The following ZNF277 variants were observed in gnomAD, a reference collection of about 807,000 sequenced individuals.
ZNF277 encodes the protein nuclear receptor-interacting factor 4.
ZNF277 carries 55 observed loss-of-function variants against 60.7 expected under a neutral mutation model. The observed-to-expected ratio is 0.91, with a 90% confidence interval of 0.73 to 1.13. ZNF277 has a LOEUF of 1.13. Among genes scored for constraint, ZNF277 ranks in the 50% most tolerant of loss-of-function variants. The pLI, the probability that ZNF277 is intolerant of heterozygous loss-of-function variation, is 0.00. For missense variants in ZNF277, 510 were observed against 523.0 expected (o/e 0.98, Z 0.24); for synonymous variants, 178 against 179.3 (o/e 0.99, Z 0.06).
intron 1 of ZNF277, among the ~76,000 whole-genome samples, chr7:112,211,243 G>C (rs904661240): frequency 1.3e-5 from 2 of 152,218 alleles, no homozygotes; most frequent in Non-Finnish European, 2.9e-5. Context: ...ATGGCATCAA[G>C]TCTAAGCTAG....
intron 1 of ZNF277, among the ~76,000 whole-genome samples, chr7:112,219,828 A>ATC (rs1821980742): frequency 6.6e-6 from 1 of 152,000 alleles, no homozygotes; most frequent in Non-Finnish European, 1.5e-5. Context: ...GTAGAGGGAG[A>ATC]TCTCACTATG....
At chr7:112,295,226 A>C (rs1792297419) in intron 2 of ZNF277, among the ~76,000 whole-genome samples, 1 of 152,142 alleles carries the variant, frequency 6.6e-6, no homozygotes. Context: ...TCCCTCTTTC[A>C]TCACATATGT....
At chr7:112,259,502 G>T (rs1426677182) in intron 1 of ZNF277, among the ~76,000 whole-genome samples, 1 of 152,122 alleles carries the variant, frequency 6.6e-6, no homozygotes, top group South Asian at 2.1e-4. Context: ...CTTTAATAGA[G>T]GATGCCTTTT....
chr7:112,329,013 C>A (rs760941007), intron 6 of ZNF277, among the ~76,000 whole-genome samples: 12 of 152,008 alleles, frequency 7.9e-5, no homozygotes, highest in Non-Finnish European at 1.5e-4. Context: ...AAAATAAGAC[C>A]AGATGTGCCT....
Position 112,342,731 on chromosome 7 carries a change from A to G in ZNF277, c.*2A>G. 1 of 1,582,804 alleles carries G rather than the reference A, an allele frequency of 6.3e-7. No homozygotes were observed. The highest frequency in any genetic ancestry group is 2.3e-5 in the East Asian group (1 of 44,006). On this transcript the variant is annotated 3_prime_UTR_variant, in exon 12 of 12. Coordinates refer to ENST00000361822, the MANE Select transcript of ZNF277 (RefSeq NM_021994.3). ...ATTTTGAACCAGTTGCTACTATAAGAGTACTTGAAAACCTAGAAGAAACTA... is the reference window on the plus strand; with the variant it reads ...ATTTTGAACCAGTTGCTACTATAAGGGTACTTGAAAACCTAGAAGAAACTA...
At chr7:112,253,431 CT>C (rs1474206710) in intron 1 of ZNF277, among the ~76,000 whole-genome samples, 4 of 152,142 alleles carry the variant, frequency 2.6e-5, no homozygotes, top group Non-Finnish European at 5.9e-5. Context: ...ACGATACTTG[CT>C]ACCCAACCTG....
chr7:112,259,491 A>T (rs963924140), intron 1 of ZNF277, among the ~76,000 whole-genome samples: 31 of 152,328 alleles, frequency 2.0e-4, no homozygotes, highest in African/African-American at 7.2e-4. Flanking sequence ...TCTTTTTATT[A>T]CTTTAATAGA....
chr7:112,280,725 A>G (rs1791920401), intron 1 of ZNF277, among the ~76,000 whole-genome samples: 1 of 151,864 alleles, frequency 6.6e-6, no homozygotes, highest in Admixed American at 6.6e-5. Context: ...CCCCGGGTTC[A>G]AGCAATTCTC....
intron 4 of ZNF277, among the ~76,000 whole-genome samples, chr7:112,300,307 A>G (rs1792445971): frequency 6.6e-6 from 1 of 152,194 alleles, no homozygotes; most frequent in South Asian, 2.1e-4. Flanking sequence ...ATTTTCATCC[A>G]TATTCTGAAA....
chr7:112,234,607 A>T (rs895074706), intron 1 of ZNF277, among the ~76,000 whole-genome samples: 1 of 152,168 alleles, frequency 6.6e-6, no homozygotes, highest in Non-Finnish European at 1.5e-5. Context: ...CATTATTCGT[A>T]ACAGTACTAA....
rs1477866481 is a variant in ZNF277, at chr7:112,342,591, T to C, written c.1215T>C (p.Thr405=). 2.5e-6 allele frequency: 4 copies of C among 1,605,434 alleles called. No individual in the cohort carries two copies. In the African/African-American group the frequency reaches 5.4e-5, roughly 22 times the overall value. The change falls in exon 12 of 12, where the codon ACT becomes ACC. Residue 405 remains threonine, a synonymous_variant. Transcript: ENST00000361822. ...ATTTTCCAACCTATGAAAATGACAC[T>C]CTCCTGTGTACACTATCTGACAGTG... The part of the protein sequence containing the change: ...EYYFPTYEND[T]LLCTLSDSES...
chr7:112,253,111 A>G (rs1036896636), intron 1 of ZNF277, among the ~76,000 whole-genome samples: 2 of 152,174 alleles, frequency 1.3e-5, no homozygotes, highest in Non-Finnish European at 2.9e-5. Context: ...ATCTTCAAAG[A>G]GGAGGTTGTA....
intron 1 of ZNF277, among the ~76,000 whole-genome samples, chr7:112,250,210 C>T (rs1243298525): frequency 1.3e-5 from 2 of 151,988 alleles, no homozygotes; most frequent in East Asian, 1.9e-4. Flanking sequence ...GAAATAGACT[C>T]CAGTCTCCCA....
intron 1 of ZNF277, among the ~76,000 whole-genome samples, chr7:112,285,965 C>A (rs1792054501): frequency 6.6e-6 from 1 of 152,100 alleles, no homozygotes; most frequent in Non-Finnish European, 1.5e-5. Flanking sequence ...ATGCCAGAGG[C>A]CTTACCCTAG....
intron 1 of ZNF277, among the ~76,000 whole-genome samples, chr7:112,284,748 T>C (rs1792022748): frequency 6.6e-6 from 1 of 152,366 alleles, no homozygotes; most frequent in African/African-American, 2.4e-5. Context: ...TAGCATACTT[T>C]AATGTGACTA....
intron 4 of ZNF277, among the ~76,000 whole-genome samples, chr7:112,306,469 C>T (rs1270969951): frequency 6.6e-6 from 1 of 152,082 alleles, no homozygotes; most frequent in East Asian, 1.9e-4. Context: ...CCCGCCTCGG[C>T]CTCCCAAAGT....
intron 5 of ZNF277, among the ~76,000 whole-genome samples, chr7:112,320,439 C>T (rs1226119562): frequency 1.3e-5 from 2 of 152,094 alleles, no homozygotes; most frequent in Non-Finnish European, 2.9e-5. Flanking sequence ...AAAGACACAA[C>T]TTGATTCCAC....
rs548174162 is a variant in ZNF277, at chr7:112,229,649, A to G, written c.91+22842A>G. ...TATTCTCGAGCTCTGAGTCTCAGCA[A>G]GCATTTATTAAGCACTAATTATGTG... On this transcript the variant is annotated intron_variant, in intron 1 of 11. Transcript: ENST00000361822. Among the ~76,000 whole-genome samples, 4 of 152,328 alleles carry G rather than the reference A, an allele frequency of 2.6e-5. No individual in the cohort carries two copies. In the Middle Eastern group the frequency reaches 0.01, roughly 389 times the overall value.
At chr7:112,229,193 A>C (rs1052222826) in intron 1 of ZNF277, among the ~76,000 whole-genome samples, 6 of 152,226 alleles carry the variant, frequency 3.9e-5, no homozygotes, top group Admixed American at 2.0e-4. Flanking sequence ...AACTAGGTTA[A>C]GCTCTGAGGA....
Sources: gnomAD v4.1 joint callset for allele counts (sites outside exome capture counted in the v4.1 genomes callset) on GRCh38, gnomAD v4.1.1 for gene constraint, MANE v1.5 for transcripts, NCBI Gene and HGNC (gene_info 2026-07-23, HGNC 2026-07-21) for gene names.